Variants in ECT2 observed in about 807,000 individuals in gnomAD.
ECT2 encodes the protein epithelial cell transforming 2.
In ECT2, 61 loss-of-function variants were observed where a neutral mutation model predicts 116.9. That is an observed-to-expected ratio of 0.52 (90% CI 0.42 to 0.65). The LOEUF is 0.65. Among genes scored for constraint, ECT2 ranks in the 30% least tolerant of loss-of-function variants. The pLI, the probability that ECT2 is intolerant of heterozygous loss-of-function variation, is 0.00. For synonymous variants in ECT2, 358 were observed against 346.4 expected (o/e 1.03, Z -0.37); for missense variants, 937 against 1,078.7 (o/e 0.87, Z 1.84).
intron 22 of ECT2, among the ~76,000 whole-genome samples, chr3:172,810,834 C>T (rs1196300132): frequency 6.6e-6 from 1 of 152,056 alleles, no homozygotes; most frequent in Non-Finnish European, 1.5e-5. Flanking sequence ...CTCAGTTTCT[C>T]CTGAAATTAA....
At chr3:172,791,905 A>G (rs1010760748) in intron 18 of ECT2, among the ~76,000 whole-genome samples, 4 of 152,216 alleles carry the variant, frequency 2.6e-5, no homozygotes, top group South Asian at 2.1e-4. Context: ...TACTAAACTC[A>G]ATCATTTCTA....
the ECT2 span, chr3:172,828,662 G>T: frequency 1.1e-5 from 3 of 285,538 alleles, no homozygotes; most frequent in Non-Finnish European, 2.0e-5. Flanking sequence ...GTAAAGCTTA[G>T]TACACCCCAG....
At chr3:172,800,829 A>G (rs1207485101) in intron 18 of ECT2, among the ~76,000 whole-genome samples, 1 of 152,116 alleles carries the variant, frequency 6.6e-6, no homozygotes, top group Non-Finnish European at 1.5e-5. Flanking sequence ...TATCACATAC[A>G]TTATTATTTA....
chr3:172,803,305 T>C (rs1002378718), intron 20 of ECT2, among the ~76,000 whole-genome samples: 3 of 152,210 alleles, frequency 2.0e-5, no homozygotes, highest in African/African-American at 7.2e-5. Context: ...AAAATAATTC[T>C]GAGTTTTTTG....
At chr3:172,774,252 C>T (rs1435208015) in intron 14 of ECT2, among the ~76,000 whole-genome samples, 1 of 152,120 alleles carries the variant, frequency 6.6e-6, no homozygotes, top group Non-Finnish European at 1.5e-5. Flanking sequence ...GGTTTTAGTG[C>T]ATTGATGTGA....
At chr3:172,790,733 A>T (rs936753193) in intron 18 of ECT2, among the ~76,000 whole-genome samples, 1 of 152,256 alleles carries the variant, frequency 6.6e-6, no homozygotes, top group African/African-American at 2.4e-5. Context: ...GCTAGCAGGC[A>T]TGAAAGCAAA....
At chr3:172,780,809 A>T (rs1722561557) in intron 14 of ECT2, among the ~76,000 whole-genome samples, 1 of 152,080 alleles carries the variant, frequency 6.6e-6, no homozygotes, top group Non-Finnish European at 1.5e-5. Flanking sequence ...ATTAATGATA[A>T]GTGTCTTTTC....
chr3:172,828,615 CT>C, the ECT2 span: 118,668 of 154,526 alleles, frequency 0.77, 46,801 homozygotes, highest in Non-Finnish European at 0.87. Context: ...AAACTGGTAT[CT>C]TTTTTTTTTT....
At chr3:172,797,747 T>C (rs999391722) in intron 18 of ECT2, among the ~76,000 whole-genome samples, 1 of 152,342 alleles carries the variant, frequency 6.6e-6, no homozygotes, top group African/African-American at 2.4e-5. Flanking sequence ...TTATGTTTTA[T>C]CAAGAAAATG....
chr3:172,795,415 A>G (rs945782363), intron 18 of ECT2, among the ~76,000 whole-genome samples: 2 of 152,260 alleles, frequency 1.3e-5, no homozygotes, highest in African/African-American at 4.8e-5. Context: ...GTTGCTGCTA[A>G]ATGTTTTAAA....
intron 22 of ECT2, among the ~76,000 whole-genome samples, chr3:172,813,264 A>C (rs1450667182): frequency 6.6e-6 from 1 of 152,088 alleles, no homozygotes; most frequent in Admixed American, 6.6e-5. Flanking sequence ...AATATCTGTA[A>C]AACATGAAAA....
Position 172,808,748 on chromosome 3 carries a change from A to G in ECT2, c.2400+824A>G, listed in dbSNP as rs527368459. Among the ~76,000 whole-genome samples, 354 of 152,294 alleles carry G rather than the reference A, an allele frequency of 2.3e-3. 2 individuals carry two copies. Among genetic ancestry groups the G allele is most frequent in the African/African-American group, 8.1e-3 (338 of 41,568 alleles). On this transcript the variant is annotated intron_variant, in intron 22 of 24. Coordinates refer to ENST00000392692, the MANE Select transcript of ECT2 (RefSeq NM_001258315.2). ...ACAATGGTACTGTAACTGAGATTGC[A>G]TTGGGTGTTTCTGTGGGAATGAAAC...
At chr3:172,824,659 TCTTG>T (rs1469345168), downstream of ECT2, among the ~76,000 whole-genome samples, 3 of 152,204 alleles carry the variant, frequency 2.0e-5, no homozygotes, top group Non-Finnish European at 4.4e-5. Flanking sequence ...TGTTCTACAA[TCTTG>T]CTTTTATCAC....
intron 18 of ECT2, among the ~76,000 whole-genome samples, chr3:172,799,703 C>T (rs1726371082): frequency 6.6e-6 from 1 of 152,184 alleles, no homozygotes; most frequent in South Asian, 2.1e-4. Context: ...CCAGTACCCA[C>T]AATGGTCTTT....
intron 24 of ECT2, 68 bp from the exon 25 acceptor site, chr3:172,820,080 C>T (rs1422406724): frequency 1.9e-5 from 23 of 1,204,040 alleles, no homozygotes; most frequent in Non-Finnish European, 2.5e-5. Context: ...AGGCATGATA[C>T]TGAACTGTAT....
chr3:172,797,424 G>A (rs1024769686), intron 18 of ECT2, among the ~76,000 whole-genome samples: 8 of 152,058 alleles, frequency 5.3e-5, no homozygotes, highest in African/African-American at 1.4e-4. Context: ...AGAAGGCATG[G>A]GTTGATAACT....
At chr3:172,776,269 AT>A (rs1721718905) in intron 14 of ECT2, among the ~76,000 whole-genome samples, 1 of 123,362 alleles carries the variant, frequency 8.1e-6, no homozygotes, top group Non-Finnish European at 1.6e-5. Context: ...CACTGCAACT[AT>A]TTGTTTTTTT....
intron 12 of ECT2, among the ~76,000 whole-genome samples, chr3:172,768,765 C>T (rs572705162): frequency 6.6e-6 from 1 of 152,254 alleles, no homozygotes; most frequent in Non-Finnish European, 1.5e-5. Flanking sequence ...TTTTTAATAA[C>T]CTTGACGTTT....
chr3:172,779,031 T>C (rs981912001), intron 14 of ECT2, among the ~76,000 whole-genome samples: 3 of 152,238 alleles, frequency 2.0e-5, no homozygotes, highest in Non-Finnish European at 4.4e-5. Context: ...ATTTTACAGG[T>C]TTATGAATTA....
Sources: gnomAD v4.1 joint callset for allele counts (sites outside exome capture counted in the v4.1 genomes callset) on GRCh38, gnomAD v4.1.1 for gene constraint, MANE v1.5 for transcripts, NCBI Gene and HGNC (gene_info 2026-07-23, HGNC 2026-07-21) for gene names.